DCAF6: variants seen among roughly 807,000 people sequenced by gnomAD.
The protein encoded by DCAF6 is DDB1 and CUL4 associated factor 6.
A neutral mutation model predicts 125.1 loss-of-function variants in DCAF6; 54 were observed. That is an observed-to-expected ratio of 0.43 (90% confidence interval 0.35 to 0.54). DCAF6 has a LOEUF of 0.54. Ranked by LOEUF, DCAF6 falls within the 20% of genes least tolerant of loss-of-function variation. The probability of loss-of-function intolerance (pLI) is 0.01; values close to 1 mark genes in which losing one functional copy is unlikely to be tolerated. For missense variants in DCAF6, 934 were observed against 1,161.7 expected, an observed-to-expected ratio of 0.80 and a Z score of 2.85; for synonymous variants, 371 against 390.4, an observed-to-expected ratio of 0.95 and a Z score of 0.58.
chr1:167,870,757 C>T, the DCAF6 span, among the ~76,000 whole-genome samples: 47,752 of 150,736 alleles, frequency 0.32, 7,991 homozygotes, highest in East Asian at 0.54. Flanking sequence ...TGCAGCGAGC[C>T]GGGATCCTGC....
At chr1:167,917,052 T>C in the DCAF6 span, 1 of 152,248 alleles carries the variant, frequency 6.6e-6, no homozygotes, top group Admixed American at 6.5e-5. Context: ...GTCTCATTTC[T>C]TCAAATTTTG....
At chr1:167,932,992 G>A (rs1201023843), upstream of DCAF6, among the ~76,000 whole-genome samples, 3 of 151,932 alleles carry the variant, frequency 2.0e-5, no homozygotes, top group Non-Finnish European at 4.4e-5. Flanking sequence ...GTGAGTTGAG[G>A]AACTTGACCA....
At chr1:167,934,501 C>T (rs1279611765), upstream of DCAF6, among the ~76,000 whole-genome samples, 2 of 152,170 alleles carry the variant, frequency 1.3e-5, no homozygotes, top group Non-Finnish European at 1.5e-5. Flanking sequence ...AAATCAGTAA[C>T]AAACTGTCCT....
chr1:168,041,479 T>TA (rs1400128468), intron 13 of DCAF6, among the ~76,000 whole-genome samples: 2 of 152,032 alleles, frequency 1.3e-5, no homozygotes, highest in Non-Finnish European at 2.9e-5. Flanking sequence ...AAAAGGTTCT[T>TA]ATATTCCTCT....
intron 12 of DCAF6, among the ~76,000 whole-genome samples, chr1:168,037,519 GA>G (rs966443401): frequency 1.3e-5 from 2 of 151,966 alleles, no homozygotes; most frequent in Non-Finnish European, 2.9e-5. Flanking sequence ...ATCATAAAAT[GA>G]AAAATATGTA....
chr1:167,909,647 G>A, the DCAF6 span, among the ~76,000 whole-genome samples: 1 of 152,066 alleles, frequency 6.6e-6, no homozygotes, highest in Admixed American at 6.6e-5. Flanking sequence ...TTGTGCCCCA[G>A]GGAAGCCGAA....
At chr1:167,872,143 A>G in the DCAF6 span, among the ~76,000 whole-genome samples, 1 of 152,160 alleles carries the variant, frequency 6.6e-6, no homozygotes, top group Admixed American at 6.5e-5. Flanking sequence ...GGAGTTCGAG[A>G]CCAGCCTCAA....
At chr1:167,964,233 T>C (rs541875650) in intron 2 of DCAF6, among the ~76,000 whole-genome samples, 1 of 152,346 alleles carries the variant, frequency 6.6e-6, no homozygotes, top group African/African-American at 2.4e-5. Flanking sequence ...AAAGTAGGTC[T>C]GCTGGCAACA....
intron 7 of DCAF6, among the ~76,000 whole-genome samples, chr1:167,998,107 C>T (rs1333422229): frequency 6.6e-6 from 1 of 152,102 alleles, no homozygotes; most frequent in Non-Finnish European, 1.5e-5. Context: ...GGAGATATTG[C>T]AGGTTTGGTT....
At chr1:167,968,799 A>G (rs1676852191) in intron 3 of DCAF6, among the ~76,000 whole-genome samples, 1 of 152,240 alleles carries the variant, frequency 6.6e-6, no homozygotes, top group Non-Finnish European at 1.5e-5. Context: ...ACATCATGCC[A>G]ACTGGCAAAG....
chr1:167,918,389 A>T, the DCAF6 span: 123 of 1,359,436 alleles, frequency 9.0e-5, no homozygotes, highest in Non-Finnish European at 1.3e-4. Context: ...AAAAATAATC[A>T]TCAATAATAA....
chr1:168,002,595 C>T lies in DCAF6; in HGVS notation c.997+20C>T. 1 of 1,588,990 alleles carries T rather than the reference C, an allele frequency of 6.3e-7. No homozygotes were observed. Among genetic ancestry groups the T allele is most frequent in the Non-Finnish European group, 8.6e-7 (1 of 1,159,792 alleles). ...GAGATGGTAACTATACTTTGGTCAG[C>T]TTTTCTTTGTATATGGTATTTTAAA... On this transcript the variant is annotated intron_variant, in intron 8 of 21. Coordinates refer to ENST00000367840, the MANE Select transcript of DCAF6 (RefSeq NM_001198956.2).
At chr1:168,072,373 G>GTC (rs1178799845) in intron 21 of DCAF6, among the ~76,000 whole-genome samples, 1 of 145,618 alleles carries the variant, frequency 6.9e-6, no homozygotes, top group African/African-American at 2.6e-5. Context: ...TGTTTTCTGT[G>GTC]TCTTCTCATA....
At chr1:168,066,309 CATAAT>C (rs1363106077) in intron 19 of DCAF6, 63 bp from the exon 20 acceptor site, 1 of 963,924 alleles carries the variant, frequency 1.0e-6, no homozygotes, top group East Asian at 2.7e-5. Flanking sequence ...TACATATATG[CATAAT>C]ATAAGCATAT....
chr1:168,057,895 C>A (rs1259277173), intron 17 of DCAF6, among the ~76,000 whole-genome samples: 2 of 152,194 alleles, frequency 1.3e-5, no homozygotes, highest in Admixed American at 6.5e-5. Context: ...AATCCAAGAA[C>A]TAAAAAACTC....
chr1:167,967,714 C>CTTTTTTTTTTT lies in DCAF6; in HGVS notation c.252+1009_252+1019dup, dbSNP rs552208317. Among the ~76,000 whole-genome samples, 7 of 74,552 alleles carry CTTTTTTTTTTT rather than the reference C, an allele frequency of 9.4e-5. 1 individual carries two copies. The highest frequency in any genetic ancestry group is 3.2e-4 in the African/African-American group (6 of 18,956). 48.9% of individuals were successfully genotyped at this position (74,552 alleles called of 152,430 possible). On this transcript the variant is annotated intron_variant, in intron 3 of 21. Coordinates refer to ENST00000367840, the MANE Select transcript of DCAF6 (RefSeq NM_001198956.2). ...CCTGATTGTCTTAAATTTCCTGTATCTTTTTTTTTTTTTTTTTTTTTTTTT... is the reference window on the plus strand; with the variant it reads ...CCTGATTGTCTTAAATTTCCTGTATCTTTTTTTTTTTTTTTTTTTTTTTTTTTTTTTTTTTT...
Position 167,954,599 on chromosome 1 carries a change from C to T in DCAF6, c.159+2738C>T, listed in dbSNP as rs1437477963. ...TCCTGAGTAGCTGGGACTACAGGCA[C>T]CCACCACCAAGCGCGGCTAATTTTT... On this transcript the variant is annotated intron_variant, in intron 2 of 21. Transcript: ENST00000367840. Among the ~76,000 whole-genome samples, 8 of 152,032 alleles carry T rather than the reference C, an allele frequency of 5.3e-5. No individual in the cohort carries two copies. In the East Asian group the frequency reaches 1.6e-3, roughly 30 times the overall value.
chr1:167,948,238 G>A (rs1392414694), intron 1 of DCAF6, among the ~76,000 whole-genome samples: 1 of 151,114 alleles, frequency 6.6e-6, no homozygotes, highest in African/African-American at 2.4e-5. Context: ...TGTTGCCATG[G>A]TGGAGACCTT....
chr1:167,993,497 C>T (rs940841968), intron 7 of DCAF6, 57 bp downstream of exon 7: 15 of 1,473,612 alleles, frequency 1.0e-5, no homozygotes, highest in Non-Finnish European at 1.4e-5. Flanking sequence ...CGCCTGTAAT[C>T]CCAGCGCTTT....
Sources: gnomAD v4.1 joint callset for allele counts (sites outside exome capture counted in the v4.1 genomes callset) on GRCh38, gnomAD v4.1.1 for gene constraint, MANE v1.5 for transcripts, NCBI Gene and HGNC (gene_info 2026-07-23, HGNC 2026-07-21) for gene names.